Variants in TBCD observed in about 807,000 individuals in gnomAD.
TBCD encodes tubulin folding cofactor D, also known as tubulin-specific chaperone D.
A neutral mutation model predicts 169.3 loss-of-function variants in TBCD; 105 were observed. The observed-to-expected ratio is 0.62, with a 90% CI of 0.53 to 0.73. The LOEUF is 0.73. Ranked by LOEUF, TBCD falls within the 30% of genes least tolerant of loss-of-function variation. The pLI, the probability that TBCD is intolerant of heterozygous loss-of-function variation, is 0.00. For missense variants in TBCD, 1,444 were observed against 1,600.1 expected, an observed-to-expected ratio of 0.90 and a Z score of 1.66; for synonymous variants, 700 against 643.9, an observed-to-expected ratio of 1.09 and a Z score of -1.32.
At position 82,815,187 on chromosome 17, in the gene TBCD, T is replaced by G. The variant is rs148666538; in HGVS notation, c.1318+253T>G. Among the ~76,000 whole-genome samples the G allele has an allele frequency of 7.9e-5, 12 of 152,326 alleles. No individual in the cohort carries two copies. In the East Asian group the frequency reaches 1.9e-3, roughly 24 times the overall value. ...TTTTCTCGCATTGGCCTTTGTAATT[T>G]CCTAATTGCCTCTTTTGTCTGCTGT... On this transcript the variant is annotated intron_variant, in intron 13 of 38. Transcript: ENST00000355528.
intron 13 of TBCD, among the ~76,000 whole-genome samples, chr17:82,816,784 C>T (rs1038300524): frequency 3.3e-5 from 5 of 151,334 alleles, no homozygotes; most frequent in East Asian, 1.9e-4. Context: ...GCAGTCCACC[C>T]GCCTTGGCCT....
rs1567969285 is a variant in TBCD, at chr17:82,890,889, T to C, written c.1563+1192T>C. ...GGTTTGGTCTTTTGAGTGGAGAGTG[T>C]GGCTGCTGTGAGGAAGAAGGAGCTT... On this transcript the variant is annotated intron_variant, in intron 16 of 38. Transcript: ENST00000355528. The surrounding 1 kb of genome is among the most constrained non-coding windows in gnomAD (Gnocchi z 5.3). Among the ~76,000 whole-genome samples the C allele has an allele frequency of 2.0e-5, 3 of 152,200 alleles. No homozygotes were observed. Among genetic ancestry groups the C allele is most frequent in the Non-Finnish European group, 4.4e-5 (3 of 68,036 alleles).
rs1409988520 is a variant in TBCD, at chr17:82,922,961, G to A, written c.2179-691G>A. Among the ~76,000 whole-genome samples, 2 of 152,210 alleles carry A rather than the reference G, an allele frequency of 1.3e-5. No homozygotes were observed. The highest frequency in any genetic ancestry group is 2.9e-5 in the Non-Finnish European group (2 of 68,038). ...CGGCGGGACTGGTGACTCTCTGCCCGCTCCTGCTCTGTGCAGCAATTGCCG... is the reference window on the plus strand; with the variant it reads ...CGGCGGGACTGGTGACTCTCTGCCCACTCCTGCTCTGTGCAGCAATTGCCG... On this transcript the variant is annotated intron_variant, in intron 25 of 38. Transcript: ENST00000355528. The surrounding 1 kb of genome is among the most constrained non-coding windows in gnomAD (Gnocchi z 4.1).
intron 13 of TBCD, chr17:82,838,859 ACAGTCGCCGCCT>A: frequency 1.0e-6 from 1 of 985,410 alleles, no homozygotes; most frequent in Non-Finnish European, 1.2e-6. Context: ...TCACCACTTT[ACAGTCGCCGCCT>A]CATCCTGAAA....
chr17:82,851,826 C>T (rs2055817127), intron 13 of TBCD, among the ~76,000 whole-genome samples: 1 of 152,212 alleles, frequency 6.6e-6, no homozygotes, highest in South Asian at 2.1e-4. Context: ...TTAAGAATAT[C>T]TTTTGCCAGG....
rs183455339 is a variant in TBCD, at chr17:82,939,444, C to G, written c.3447C>G (p.Asp1149Glu). The G allele has an allele frequency of 6.2e-7, 1 of 1,613,612 alleles. No homozygotes were observed. The highest frequency in any genetic ancestry group is 8.5e-7 in the Non-Finnish European group (1 of 1,179,832). The change falls in exon 37 of 39, where the codon GAC becomes GAG. Residue 1149 changes from aspartate (D) to glutamate (E), a missense_variant. Physicochemically the swap from Asp to Glu is conservative, Grantham distance 45 (BLOSUM62 2). Transcript: ENST00000355528. Reference sequence around the variant, plus strand: ...ACGTCGTGGGCGCGGATGTGCTGGACGAGGTGGTGACTGTGCTCAGTGACA... The same window carrying G: ...ACGTCGTGGGCGCGGATGTGCTGGAGGAGGTGGTGACTGTGCTCAGTGACA... The part of the protein sequence containing the change: ...YSDVVGADVL[D>E]EVVTVLSDTA...
intron 13 of TBCD, among the ~76,000 whole-genome samples, chr17:82,842,776 CTTTCT>C (rs997467047): frequency 2.8e-5 from 4 of 142,134 alleles, no homozygotes; most frequent in Non-Finnish European, 6.1e-5. Flanking sequence ...CATTTTCTTT[CTTTCT>C]TTTTTTTTTT....
chr17:82,929,837 C>T, intron 32 of TBCD: 3 of 464,136 alleles, frequency 6.5e-6, no homozygotes, highest in Non-Finnish European at 1.2e-5. Context: ...CCATCAGGTT[C>T]TAGATCGGCC....
rs1426755514 is a variant in TBCD at position 82,901,476 on chromosome 17, C to G, written c.1730+745C>G. 3.4e-5 allele frequency among the ~76,000 whole-genome samples: 5 copies of G among 148,156 alleles called. No homozygotes were observed. In the East Asian group the frequency reaches 9.7e-4, roughly 29 times the overall value. On this transcript the variant is annotated intron_variant, in intron 18 of 38. Transcript: ENST00000355528. ...TGCTGCTGCCTGGGGAGCGGCCCGG[C>G]TGCCTGCCGTGGTCCTGCTGCCTGG...
intron 37 of TBCD, 35 bp downstream of exon 37, chr17:82,939,511 C>T (rs1369411651): frequency 2.0e-6 from 3 of 1,514,476 alleles, no homozygotes; most frequent in South Asian, 2.3e-5. Context: ...GCCACCTGGG[C>T]CTGGCACCGC....
intron 17 of TBCD, among the ~76,000 whole-genome samples, chr17:82,896,165 CTG>C (rs940351802): frequency 6.6e-6 from 1 of 152,162 alleles, no homozygotes; most frequent in Non-Finnish European, 1.5e-5. Flanking sequence ...TCCCAAAGCT[CTG>C]TGTGAATGGG....
At chr17:82,857,744 T>C (rs902455548) in intron 13 of TBCD, among the ~76,000 whole-genome samples, 1 of 106,894 alleles carries the variant, frequency 9.4e-6, no homozygotes, top group Non-Finnish European at 2.0e-5. Context: ...TTGTGTCTCA[T>C]GGTTTTTTTT....
At position 82,933,126 on chromosome 17, in the gene TBCD, C is replaced by T. The variant is rs35795377; in HGVS notation, c.3191+391C>T. 6.4e-3 allele frequency among the ~76,000 whole-genome samples: 976 copies of T among 152,184 alleles called. 10 individuals are homozygous for T. The highest frequency in any genetic ancestry group is 0.022 in the African/African-American group (910 of 41,516). On this transcript the variant is annotated intron_variant, in intron 34 of 38. Transcript: ENST00000355528. ...GAGAGGGCAGAGGCCGGTGACCTGGCGAGGACTTGCCCAGGAGATTGGAGC... is the reference window on the plus strand; with the variant it reads ...GAGAGGGCAGAGGCCGGTGACCTGGTGAGGACTTGCCCAGGAGATTGGAGC...
At chr17:82,931,469 T>A (rs1309498207) in intron 33 of TBCD, among the ~76,000 whole-genome samples, 1 of 152,216 alleles carries the variant, frequency 6.6e-6, no homozygotes, top group African/African-American at 2.4e-5. Flanking sequence ...CTTGAGGCGC[T>A]GGGCCGCGTG....
At chr17:82,938,819 TTGCTTCCC>T (rs2062854240) in intron 36 of TBCD, among the ~76,000 whole-genome samples, 2 of 121,074 alleles carry the variant, frequency 1.7e-5, no homozygotes, top group Admixed American at 8.7e-5. Flanking sequence ...GCAGGCGAGA[TTGCTTCCC>T]TGGTGAAAAG....
chr17:82,903,261 T>C lies in TBCD; in HGVS notation c.1731-144T>C. ...CTGTTGGAGTCGGAGGTTCTTGTAC[T>C]GGTTCGTGTGAGTGAGTGAGTGAGC... On this transcript the variant is annotated intron_variant, in intron 18 of 38. Coordinates refer to ENST00000355528, the MANE Select transcript of TBCD (RefSeq NM_005993.5). The surrounding 1 kb of genome is among the most constrained non-coding windows in gnomAD (Gnocchi z 4.8). 1 of 714,226 alleles carries C rather than the reference T, an allele frequency of 1.4e-6. No homozygotes were observed. Among genetic ancestry groups the C allele is most frequent in the Non-Finnish European group, 2.4e-6 (1 of 409,070 alleles). The allele number at this position is 714,226 out of a possible 1,614,324, so 44.2% of individuals were successfully genotyped here.
chr17:82,934,104 A>T (rs867906417), intron 34 of TBCD, among the ~76,000 whole-genome samples: 1 of 152,192 alleles, frequency 6.6e-6, no homozygotes, highest in African/African-American at 2.4e-5. Context: ...GTACTGGCTG[A>T]CCCAGGCCCA....
intron 27 of TBCD, among the ~76,000 whole-genome samples, 199 bp from the exon 28 acceptor site, chr17:82,926,201 G>C (rs1278999609): frequency 6.7e-6 from 1 of 149,190 alleles, no homozygotes; most frequent in Non-Finnish European, 1.5e-5. Flanking sequence ...GGGGGCCGTG[G>C]AGAGGCTGGA....
At chr17:82,830,642 G>A (rs754847186) in intron 13 of TBCD, 2 of 1,614,040 alleles carry the variant, frequency 1.2e-6, no homozygotes, top group East Asian at 2.2e-5. Flanking sequence ...GTGTTACAGG[G>A]GTCCTTCACC....
Sources: allele counts gnomAD v4.1 joint callset (sites outside exome capture counted in the v4.1 genomes callset), GRCh38; gene constraint gnomAD v4.1.1; non-coding constraint Gnocchi (gnomAD v3.1); transcripts MANE v1.5; gene names NCBI Gene and HGNC (gene_info 2026-07-23, HGNC 2026-07-21).